PAK1IP1: variants seen among roughly 807,000 people sequenced by gnomAD.
PAK1IP1 encodes the protein PAK1 interacting protein 1.
In PAK1IP1, 24 loss-of-function variants were observed where a neutral mutation model predicts 42.0. The ratio of observed to expected loss-of-function variants is 0.57; its 90% CI spans 0.41 to 0.80. The LOEUF (loss-of-function observed/expected upper bound fraction) is 0.80, where lower values mean the gene tolerates loss of function less well. Among genes scored for constraint, PAK1IP1 ranks in the 30% least tolerant of loss-of-function variants. PAK1IP1 has a pLI of 0.00. For synonymous variants in PAK1IP1, 154 were observed against 156.7 expected (o/e 0.98, Z 0.13); for missense variants, 411 against 467.9 (o/e 0.88, Z 1.12).
chr6:10,691,800 C>G (rs890216972), upstream of PAK1IP1, among the ~76,000 whole-genome samples: 3 of 152,108 alleles, frequency 2.0e-5, no homozygotes, highest in African/African-American at 4.8e-5. Flanking sequence ...CCTCTGAGCT[C>G]TGTAATTGGT....
intron 2 of PAK1IP1, among the ~76,000 whole-genome samples, chr6:10,697,987 A>G (rs1020888601): frequency 1.3e-5 from 2 of 152,148 alleles, no homozygotes; most frequent in African/African-American, 4.8e-5. Context: ...TGAGGTTTTC[A>G]CTGAAACCTT....
upstream of PAK1IP1, chr6:10,694,851 A>T (rs1422538204): frequency 7.8e-6 from 5 of 640,096 alleles, no homozygotes; most frequent in Non-Finnish European, 1.4e-5. Context: ...ACTTAAAGGC[A>T]GCCCTGGAGC....
intron 5 of PAK1IP1, among the ~76,000 whole-genome samples, chr6:10,703,925 G>T (rs1422857534): frequency 1.3e-5 from 2 of 152,124 alleles, no homozygotes; most frequent in African/African-American, 4.8e-5. Context: ...AATGCCTTGG[G>T]TTACTTTCTT....
intron 1 of PAK1IP1, among the ~76,000 whole-genome samples, 172 bp downstream of exon 1, chr6:10,695,241 T>C (rs775778036): frequency 3.3e-5 from 5 of 152,154 alleles, no homozygotes; most frequent in Non-Finnish European, 7.4e-5. Context: ...GAATGGACAT[T>C]TTATCAAAAT....
At position 10,709,463 on chromosome 6, in the gene PAK1IP1, T is replaced by C; in HGVS notation, c.*11T>C. 6.4e-7 allele frequency: 1 copy of C among 1,562,026 alleles called. No homozygotes were observed. Among genetic ancestry groups the C allele is most frequent in the East Asian group, 2.2e-5 (1 of 44,558 alleles). ...AAAACAATGCAGTGAATCACAGATG[T>C]CTCCTGAAAGAACTCTTTTAGATGA... is the stretch of plus-strand genomic sequence containing the variant. On this transcript the variant is annotated 3_prime_UTR_variant, in exon 10 of 10. Coordinates refer to ENST00000379568, the MANE Select transcript of PAK1IP1 (RefSeq NM_017906.3).
rs371875610 is a variant in PAK1IP1 at position 10,706,215 on chromosome 6, AT to A, written c.741-1199del. On this transcript the variant is annotated intron_variant, in intron 7 of 9. Transcript: ENST00000379568. ...GGGAAGAAGATGTGAGACCTTAAGA[AT>A]GAAAAAGGAGTTAGTTTTAAAAAGA... 4.6e-3 allele frequency among the ~76,000 whole-genome samples: 702 copies of A among 152,198 alleles called. 49 individuals carry two copies. In the South Asian group the frequency reaches 0.13, roughly 29 times the overall value.
At chr6:10,706,401 T>G (rs1308864760) in intron 7 of PAK1IP1, among the ~76,000 whole-genome samples, 1 of 151,874 alleles carries the variant, frequency 6.6e-6, no homozygotes, top group East Asian at 1.9e-4. Flanking sequence ...TGGAAAAATT[T>G]AAAAGCATTT....
At position 10,695,009 on chromosome 6, in the gene PAK1IP1, C is replaced by T. The variant is rs1361731562; in HGVS notation, c.24C>T (p.Tyr8=). The change falls in exon 1 of 10, where the codon TAC becomes TAT. Residue 8 remains tyrosine, a synonymous_variant. Coordinates refer to ENST00000379568, the MANE Select transcript of PAK1IP1 (RefSeq NM_017906.3). MELVAGC[Y]EQVLFGFAVH... ...GAATGGAGCTGGTCGCTGGTTGCTA[C>T]GAGCAGGTCCTCTTTGGGTTCGCTG... The T allele has an allele frequency of 1.2e-6, 2 of 1,600,302 alleles. No homozygotes were observed. The highest frequency in any genetic ancestry group is 1.7e-6 in the Non-Finnish European group (2 of 1,179,050).
chr6:10,704,269 C>T (rs557567531), intron 5 of PAK1IP1, among the ~76,000 whole-genome samples: 4 of 152,268 alleles, frequency 2.6e-5, no homozygotes, highest in African/African-American at 9.6e-5. Context: ...AAGTGATCCA[C>T]CCACCTTGGC....
intron 2 of PAK1IP1, among the ~76,000 whole-genome samples, chr6:10,698,059 T>C (rs965746152): frequency 1.3e-4 from 20 of 152,166 alleles, no homozygotes. Flanking sequence ...AGGTAAAGTT[T>C]GCAAGGAGGG....
chr6:10,692,752 G>A (rs1344582697), upstream of PAK1IP1, among the ~76,000 whole-genome samples: 1 of 152,136 alleles, frequency 6.6e-6, no homozygotes. Flanking sequence ...ACAGAGTCCT[G>A]ACCTCAAGCA....
chr6:10,691,076 T>A (rs1769252020), upstream of PAK1IP1, among the ~76,000 whole-genome samples: 1 of 152,220 alleles, frequency 6.6e-6, no homozygotes, highest in Admixed American at 6.5e-5. Flanking sequence ...GGCTCTGTTA[T>A]TTAGCTGTGT....
rs150618626 is a variant in PAK1IP1, at chr6:10,697,502, C to A, written c.247+16C>A. The stretch of plus-strand genomic sequence containing the variant: ...CATCACAGTGGTAAGAAAATTGTAT[C>A]CCTTAAGATGAGAACATAGAGGTTT... On this transcript the variant is annotated intron_variant, in intron 2 of 9. Coordinates refer to ENST00000379568, the MANE Select transcript of PAK1IP1 (RefSeq NM_017906.3). 68 of 1,581,606 alleles carry A rather than the reference C, an allele frequency of 4.3e-5. No homozygotes were observed. The Middle Eastern group carries it at 8.4e-4, about 20-fold the overall frequency.
chr6:10,692,754 C>T (rs1193461489), upstream of PAK1IP1, among the ~76,000 whole-genome samples: 1 of 152,128 alleles, frequency 6.6e-6, no homozygotes, highest in African/African-American at 2.4e-5. Context: ...AGAGTCCTGA[C>T]CTCAAGCAAT....
upstream of PAK1IP1, among the ~76,000 whole-genome samples, chr6:10,692,298 C>T (rs1423858832): frequency 2.0e-5 from 3 of 152,200 alleles, no homozygotes; most frequent in Non-Finnish European, 4.4e-5. Context: ...CCTTGTCTCA[C>T]GTCCAGAGGA....
chr6:10,694,767 G>A (rs1561887916), upstream of PAK1IP1: 1 of 503,960 alleles, frequency 2.0e-6, no homozygotes, highest in Non-Finnish European at 3.5e-6. Flanking sequence ...TCCTCATGTG[G>A]CATCTTTACT....
At chr6:10,707,649 GT>G in intron 8 of PAK1IP1, 135 bp downstream of exon 8, 1 of 571,468 alleles carries the variant, frequency 1.7e-6, no homozygotes. Flanking sequence ...GATATTAATG[GT>G]TTTAAAATTA....
chr6:10,691,708 A>G (rs575596161), upstream of PAK1IP1, among the ~76,000 whole-genome samples: 30 of 152,270 alleles, frequency 2.0e-4, no homozygotes, highest in African/African-American at 5.3e-4. Context: ...ATATTTGCAT[A>G]TAATTTCATG....
At chr6:10,703,507 C>A (rs914784639) in intron 5 of PAK1IP1, 50 bp downstream of exon 5, 24 of 1,360,450 alleles carry the variant, frequency 1.8e-5, no homozygotes, top group Non-Finnish European at 2.5e-5. Context: ...ATCTGGAAAT[C>A]TGAAATGCTC....
Sources: gnomAD v4.1 joint callset for allele counts (sites outside exome capture counted in the v4.1 genomes callset) on GRCh38, gnomAD v4.1.1 for gene constraint, MANE v1.5 for transcripts, NCBI Gene and HGNC (gene_info 2026-07-23, HGNC 2026-07-21) for gene names.